Variants in FAM107B observed in about 807,000 individuals in gnomAD.
FAM107B encodes the protein family with sequence similarity 107 member B, also known as protein FAM107B.
FAM107B carries 21 observed loss-of-function variants against 31.5 expected under a neutral mutation model. That is an observed-to-expected ratio of 0.67 (90% CI 0.47 to 0.96). The LOEUF (loss-of-function observed/expected upper bound fraction) is 0.96, where lower values mean the gene tolerates loss of function less well. Ranked by LOEUF, FAM107B falls within the 40% of genes least tolerant of loss-of-function variation. FAM107B has a pLI of 0.00. For synonymous variants in FAM107B, 157 were observed against 141.5 expected (o/e 1.11, Z -0.78); for missense variants, 452 against 377.1 (o/e 1.20, Z -1.64).
At chr10:14,522,810 A>T (rs1017627306) in intron 3 of FAM107B, among the ~76,000 whole-genome samples, 1 of 152,144 alleles carries the variant, frequency 6.6e-6, no homozygotes, top group Non-Finnish European at 1.5e-5. Flanking sequence ...TTTCAGACTG[A>T]AAGGGGGTTC....
intron 2 of FAM107B, among the ~76,000 whole-genome samples, chr10:14,583,129 C>G (rs1851706040): frequency 6.6e-6 from 1 of 151,394 alleles, no homozygotes; most frequent in South Asian, 2.1e-4. Context: ...AAAGCCAAAG[C>G]TGGTAAACGG....
At position 14,774,459 on chromosome 10, in the gene FAM107B, C is replaced by T. The variant is rs1157781304; in HGVS notation, c.205G>A (p.Ala69Thr). 8.7e-6 allele frequency: 14 copies of T among 1,614,180 alleles called. No individual in the cohort carries two copies. Among genetic ancestry groups the T allele is most frequent in the Non-Finnish European group, 1.1e-5 (13 of 1,180,026 alleles). ...TGCCTTTTCTCTGGAGCTCCTTCTG[C>T]GCTTGGGTGTCTTGGCTGTCTGCCT... Reference protein sequence around the residue: ...KAGRQPRHPSAEGAPEKRQDS... With the variant: ...KAGRQPRHPSTEGAPEKRQDS... The change falls in exon 1 of 5, where the codon GCA (alanine) becomes ACA (threonine). Residue 69 changes from alanine (A) to threonine (T), a missense_variant. By Grantham distance (58) the Ala-to-Thr change is moderately conservative (BLOSUM62 0). Transcript: ENST00000181796.
intron 1 of FAM107B, among the ~76,000 whole-genome samples, chr10:14,762,368 T>A (rs78287275): frequency 6.6e-6 from 1 of 152,168 alleles, no homozygotes; most frequent in South Asian, 2.1e-4. Context: ...GGGGCTACAG[T>A]GTTTCACAGG....
intron 2 of FAM107B, chr10:14,548,726 A>AACT: frequency 1.1e-6 from 1 of 922,056 alleles, no homozygotes; most frequent in Non-Finnish European, 1.3e-6. Flanking sequence ...TAGCCGCAAA[A>AACT]CGTGCCAGAA....
intron 1 of FAM107B, among the ~76,000 whole-genome samples, chr10:14,714,394 G>C (rs1031052704): frequency 1.3e-5 from 2 of 152,220 alleles, no homozygotes; most frequent in African/African-American, 4.8e-5. Context: ...ACTGGCAGAG[G>C]CCTTGGCTCA....
At chr10:14,604,786 T>C (rs1852544214) in intron 2 of FAM107B, among the ~76,000 whole-genome samples, 1 of 152,090 alleles carries the variant, frequency 6.6e-6, no homozygotes, top group Non-Finnish European at 1.5e-5. Flanking sequence ...ACACATTCTC[T>C]CTTCTTTTAT....
At chr10:14,569,111 G>A (rs893499749) in intron 2 of FAM107B, among the ~76,000 whole-genome samples, 1 of 152,158 alleles carries the variant, frequency 6.6e-6, no homozygotes, top group Non-Finnish European at 1.5e-5. Flanking sequence ...AATTCTCAAA[G>A]GTCTGTTTCA....
intron 2 of FAM107B, among the ~76,000 whole-genome samples, chr10:14,541,899 T>C (rs753679237): frequency 6.6e-6 from 1 of 152,088 alleles, no homozygotes. Context: ...AAACCTCTCA[T>C]CTTACCTCCT....
chr10:14,651,368 G>A (rs1242862219), intron 2 of FAM107B, among the ~76,000 whole-genome samples: 1 of 152,228 alleles, frequency 6.6e-6, no homozygotes, highest in Non-Finnish European at 1.5e-5. Flanking sequence ...CACTTTGGGA[G>A]GCTGAGGCGG....
intron 1 of FAM107B, among the ~76,000 whole-genome samples, chr10:14,753,133 C>A (rs140958715): frequency 1.0e-3 from 159 of 152,288 alleles, no homozygotes; most frequent in African/African-American, 3.7e-3. Flanking sequence ...AAAGAGTGAT[C>A]GTAGTTGTCA....
At chr10:14,727,049 C>T (rs759541048) in intron 1 of FAM107B, among the ~76,000 whole-genome samples, 5 of 152,008 alleles carry the variant, frequency 3.3e-5, no homozygotes, top group Non-Finnish European at 5.9e-5. Context: ...AAGAAGCAAG[C>T]GACCTAGATA....
chr10:14,674,070 C>G (rs1035620398), intron 1 of FAM107B, among the ~76,000 whole-genome samples: 1 of 152,046 alleles, frequency 6.6e-6, no homozygotes, highest in Non-Finnish European at 1.5e-5. Context: ...AAGGTAGACC[C>G]CTATCTCTCA....
At chr10:14,664,884 A>G (rs959160942) in intron 2 of FAM107B, among the ~76,000 whole-genome samples, 1 of 152,364 alleles carries the variant, frequency 6.6e-6, no homozygotes, top group East Asian at 1.9e-4. Flanking sequence ...TGGTTAATCA[A>G]TATGGGAGAT....
At chr10:14,704,131 G>C (rs1345370397) in intron 1 of FAM107B, among the ~76,000 whole-genome samples, 1 of 152,140 alleles carries the variant, frequency 6.6e-6, no homozygotes, top group Non-Finnish European at 1.5e-5. Flanking sequence ...GTACATCCAG[G>C]TGGTCTACCT....
intron 2 of FAM107B, among the ~76,000 whole-genome samples, chr10:14,546,755 G>C (rs957608457): frequency 2.0e-5 from 3 of 152,064 alleles, no homozygotes; most frequent in Non-Finnish European, 4.4e-5. Flanking sequence ...AAGTAAGTTG[G>C]TGAACAAATT....
chr10:14,624,289 G>A (rs2131406655), intron 2 of FAM107B, among the ~76,000 whole-genome samples: 1 of 152,318 alleles, frequency 6.6e-6, no homozygotes, highest in South Asian at 2.1e-4. Context: ...AGGCTGGTGG[G>A]AAAAGCTGGA....
chr10:14,638,707 T>C (rs2131429013), intron 2 of FAM107B, among the ~76,000 whole-genome samples: 1 of 152,320 alleles, frequency 6.6e-6, no homozygotes, highest in Non-Finnish European at 1.5e-5. Flanking sequence ...CTCTTTTTTA[T>C]TCCTTACTAT....
chr10:14,601,659 C>T (rs1179196397), intron 2 of FAM107B, among the ~76,000 whole-genome samples: 1 of 152,134 alleles, frequency 6.6e-6, no homozygotes, highest in African/African-American at 2.4e-5. Context: ...CCCAGATAGC[C>T]GGGGACTTCT....
intron 2 of FAM107B, among the ~76,000 whole-genome samples, chr10:14,616,878 C>T (rs1852866144): frequency 2.0e-5 from 3 of 151,800 alleles, no homozygotes; most frequent in South Asian, 2.1e-4. Flanking sequence ...ATGATTGTGC[C>T]GCTGTACTCC....
Sources: allele counts gnomAD v4.1 joint callset (sites outside exome capture counted in the v4.1 genomes callset), GRCh38; gene constraint gnomAD v4.1.1; transcripts MANE v1.5; gene names NCBI Gene and HGNC (gene_info 2026-07-23, HGNC 2026-07-21).